KIAA1958: variants seen among roughly 807,000 people sequenced by gnomAD.
KIAA1958 encodes KIAA1958, also known as uncharacterized protein KIAA1958.
Under a neutral mutation model 47.2 loss-of-function variants are expected in KIAA1958, and 14 were observed. The observed-to-expected ratio is 0.30, with a 90% CI of 0.20 to 0.46. KIAA1958 has a LOEUF of 0.46. Among genes scored for constraint, KIAA1958 ranks in the 20% least tolerant of loss-of-function variants. The pLI, the probability that KIAA1958 is intolerant of heterozygous loss-of-function variation, is 1.00. For synonymous variants in KIAA1958, 354 were observed against 353.3 expected, an observed-to-expected ratio of 1.00 and a Z score of -0.02; for missense variants, 803 against 909.2, an observed-to-expected ratio of 0.88 and a Z score of 1.50.
rs1423345115 is a variant in KIAA1958, at chr9:112,659,450, A to G, written c.1532A>G (p.Lys511Arg). 26 of 1,613,884 alleles carry G rather than the reference A, an allele frequency of 1.6e-5. No individual in the cohort carries two copies. The highest frequency in any genetic ancestry group is 2.0e-5 in the Non-Finnish European group (24 of 1,179,966). Residue 511 changes from lysine (K) to arginine (R), a missense_variant, in exon 4 of 4, where the codon AAG becomes AGG. Coordinates refer to ENST00000337530, the MANE Select transcript of KIAA1958 (RefSeq NM_133465.4). Reference sequence around the variant, plus strand: ...TTCAGCTCCTCCACCAAGAAACTCAAGGAGAAGCTGTGGGTGCTGAGTAAG... The same window carrying G: ...TTCAGCTCCTCCACCAAGAAACTCAGGGAGAAGCTGTGGGTGCTGAGTAAG... ...STFSSSTKKLKEKLWVLSKAG... is the reference protein window; with the variant it reads ...STFSSSTKKLREKLWVLSKAG...
Position 112,618,602 on chromosome 9 carries a change from G to A in KIAA1958, c.1172-27048G>A. The A allele has an allele frequency of 6.4e-7, 1 of 1,550,670 alleles. No homozygotes were observed. Among genetic ancestry groups the A allele is most frequent in the East Asian group, 2.4e-5 (1 of 40,930 alleles). On this transcript the variant is annotated intron_variant, in intron 2 of 3. Transcript: ENST00000337530. This position sits in a 1 kb window ranked among gnomAD's most constrained non-coding sequence, Gnocchi z 7.1. Reference sequence around the variant, plus strand: ...GCGGCCTCCCGCCATGCGCTACGAGGATGCCCCTTTCTACTTATCCATCAA... The same window carrying A: ...GCGGCCTCCCGCCATGCGCTACGAGAATGCCCCTTTCTACTTATCCATCAA...
chr9:112,518,516 A>G (rs1834479121), intron 1 of KIAA1958, among the ~76,000 whole-genome samples: 1 of 152,212 alleles, frequency 6.6e-6, no homozygotes, highest in Non-Finnish European at 1.5e-5. Flanking sequence ...AATGCAAACT[A>G]ATTTGTAGAG....
At chr9:112,562,664 C>T (rs1286154540) in intron 1 of KIAA1958, among the ~76,000 whole-genome samples, 2 of 152,142 alleles carry the variant, frequency 1.3e-5, no homozygotes, top group African/African-American at 4.8e-5. Context: ...TGCTGATTCT[C>T]TGCTTTGTAC....
chr9:112,628,533 A>G (rs532538787), intron 2 of KIAA1958, among the ~76,000 whole-genome samples: 1 of 152,342 alleles, frequency 6.6e-6, no homozygotes, highest in South Asian at 2.1e-4. Flanking sequence ...GAGTCACACA[A>G]AATTATTTCT....
chr9:112,631,017 G>A (rs1400985847), intron 2 of KIAA1958, among the ~76,000 whole-genome samples: 3 of 152,176 alleles, frequency 2.0e-5, no homozygotes, highest in African/African-American at 7.2e-5. Context: ...TAGAATTCAA[G>A]TTGAGTAGTA....
In KIAA1958 at chr9:112,645,657, C is replaced by T. The variant is rs1217138368; in HGVS notation, c.1179C>T (p.Ser393=). The T allele has an allele frequency of 1.3e-6, 2 of 1,591,156 alleles. No individual in the cohort carries two copies. The highest frequency in any genetic ancestry group is 1.7e-5 in the Admixed American group (1 of 58,156). The change falls in exon 3 of 4, where the codon TCC becomes TCT. Residue 393 remains serine (S), a synonymous_variant. Transcript: ENST00000337530. Reference sequence around the variant, plus strand: ...TATTGTTTTTATTTCTAGCTTATTCCACTAAGCTCAACAAATTTCCTGTAT... The same window carrying T: ...TATTGTTTTTATTTCTAGCTTATTCTACTAAGCTCAACAAATTTCCTGTAT... ...EATAQCIPAY[S]TKLNKFPVFN...
At chr9:112,506,259 A>T (rs1424312169) in intron 1 of KIAA1958, among the ~76,000 whole-genome samples, 1 of 152,174 alleles carries the variant, frequency 6.6e-6, no homozygotes, top group Non-Finnish European at 1.5e-5. Context: ...GATCGAGACC[A>T]TTCTGGCTAA....
intron 1 of KIAA1958, among the ~76,000 whole-genome samples, chr9:112,569,769 C>T (rs775574979): frequency 1.3e-5 from 2 of 151,946 alleles, no homozygotes; most frequent in Non-Finnish European, 2.9e-5. Flanking sequence ...CACAGGTGTG[C>T]GCCTCCATGC....
At chr9:112,541,154 T>G (rs1834934129) in intron 1 of KIAA1958, among the ~76,000 whole-genome samples, 1 of 152,200 alleles carries the variant, frequency 6.6e-6, no homozygotes, top group Admixed American at 6.5e-5. Flanking sequence ...TTTGGCTTAT[T>G]GCATAGGTTA....
intron 2 of KIAA1958, among the ~76,000 whole-genome samples, chr9:112,590,116 G>A (rs1835894545): frequency 6.6e-6 from 1 of 152,132 alleles, no homozygotes. Context: ...GGCATCACCT[G>A]GGGGCTTGCT....
chr9:112,648,187 C>T (rs1484729136), intron 3 of KIAA1958, among the ~76,000 whole-genome samples: 1 of 152,178 alleles, frequency 6.6e-6, no homozygotes, highest in Admixed American at 6.5e-5. Flanking sequence ...CAGTGACCTC[C>T]AAGAGACAGC....
intron 1 of KIAA1958, among the ~76,000 whole-genome samples, chr9:112,528,031 GT>G (rs1834689734): frequency 6.6e-6 from 1 of 151,862 alleles, no homozygotes; most frequent in African/African-American, 2.4e-5. Context: ...CTTCTAAACA[GT>G]TGTCAGCTCT....
intron 2 of KIAA1958, among the ~76,000 whole-genome samples, chr9:112,631,001 GAA>G (rs551428698): frequency 3.7e-4 from 56 of 152,294 alleles, no homozygotes; most frequent in African/African-American, 1.3e-3. Context: ...GCTAGGGAAA[GAA>G]TATTAGAATT....
chr9:112,535,073 T>C (rs907237540), intron 1 of KIAA1958, among the ~76,000 whole-genome samples: 89 of 152,352 alleles, frequency 5.8e-4, no homozygotes, highest in African/African-American at 2.1e-3. Flanking sequence ...CTAAGTAACA[T>C]CTCTATTACC....
intron 2 of KIAA1958, among the ~76,000 whole-genome samples, chr9:112,639,312 C>T (rs1836857780): frequency 6.6e-6 from 1 of 152,176 alleles, no homozygotes; most frequent in East Asian, 1.9e-4. Context: ...TGCTCTGCCA[C>T]CCACATACAT....
chr9:112,546,764 G>C (rs1234219362), intron 1 of KIAA1958, among the ~76,000 whole-genome samples: 1 of 151,932 alleles, frequency 6.6e-6, no homozygotes, highest in African/African-American at 2.4e-5. Flanking sequence ...CTCTTACCTG[G>C]AATACTCTCA....
At chr9:112,610,033 A>C (rs914552380) in intron 2 of KIAA1958, among the ~76,000 whole-genome samples, 3 of 152,118 alleles carry the variant, frequency 2.0e-5, no homozygotes, top group Non-Finnish European at 4.4e-5. Flanking sequence ...TTCAGAACAC[A>C]ATGAAGCAAA....
rs960754625 is a variant in KIAA1958, at chr9:112,620,537, C to A, written c.1172-25113C>A. Among the ~76,000 whole-genome samples, 4 of 152,186 alleles carry A rather than the reference C, an allele frequency of 2.6e-5. No homozygotes were observed. The East Asian group carries it at 7.7e-4, about 29-fold the overall frequency. ...AAGACCCGTTCCTCTAAGCTGTGAC[C>A]TTTCATCTGGCTAAGGAGTGGGAAG... On this transcript the variant is annotated intron_variant, in intron 2 of 3. Transcript: ENST00000337530.
chr9:112,597,644 G>A (rs1222808388), intron 2 of KIAA1958, among the ~76,000 whole-genome samples: 1 of 152,044 alleles, frequency 6.6e-6, no homozygotes, highest in Non-Finnish European at 1.5e-5. Flanking sequence ...TAACTCCTTC[G>A]TTAGATGGAA....
Sources: allele counts gnomAD v4.1 joint callset (sites outside exome capture counted in the v4.1 genomes callset), GRCh38; gene constraint gnomAD v4.1.1; non-coding constraint Gnocchi (gnomAD v3.1); transcripts MANE v1.5; gene names NCBI Gene and HGNC (gene_info 2026-07-23, HGNC 2026-07-21).